ARRDC2: variants seen among roughly 807,000 people sequenced by gnomAD.
The protein encoded by ARRDC2 is arrestin domain containing 2, also known as arrestin domain-containing protein 2.
ARRDC2 carries 39 observed loss-of-function variants against 38.9 expected under a neutral mutation model. The ratio of observed to expected loss-of-function variants is 1.00; its 90% CI spans 0.78 to 1.31. ARRDC2 has a LOEUF of 1.31. Ranked by LOEUF, ARRDC2 falls within the 50% of genes most tolerant of loss-of-function variation. The probability of loss-of-function intolerance (pLI) is 0.00; values close to 1 mark genes in which losing one functional copy is unlikely to be tolerated. For missense variants in ARRDC2, 553 were observed against 588.4 expected (o/e 0.94, Z 0.62); for synonymous variants, 300 against 261.9 (o/e 1.15, Z -1.41).
At chr19:18,008,116 A>ACCC (rs543143665), upstream of ARRDC2, 24 of 523,102 alleles carry the variant, frequency 4.6e-5, no homozygotes, top group Middle Eastern at 6.8e-4. Flanking sequence ...AGAGACGGTG[A>ACCC]CCCCACCCCC....
At position 18,001,275 on chromosome 19, in the gene ARRDC2, T is replaced by G. The variant is rs988408377; in HGVS notation, c.-40T>G. 2.5e-6 allele frequency: 3 copies of G among 1,176,978 alleles called. No homozygotes were observed. The African/African-American group carries it at 4.8e-5, about 19-fold the overall frequency. 72.9% of individuals were successfully genotyped at this position (1,176,978 alleles called of 1,614,324 possible). ...TGCAGGCGCGCCCGGGCCGTGTGCCTTCTCTCCGCGTGTCCAAACCGTGTC... is the reference window on the plus strand; with the variant it reads ...TGCAGGCGCGCCCGGGCCGTGTGCCGTCTCTCCGCGTGTCCAAACCGTGTC... On this transcript the variant is annotated 5_prime_UTR_variant, in exon 1 of 8. Coordinates refer to the ARRDC2 transcript ENST00000379656.
At position 18,009,042 on chromosome 19, in the gene ARRDC2, C is replaced by G. The variant is rs774982292; in HGVS notation, c.413C>G (p.Pro138Arg). ...RYCIKATLHR[P>R]WVPARRARKV... ...TGTATCAAGGCCACCCTGCACCGGC[C>G]CTGGGTCCCAGCACGCCGGGCAAGG... The change falls in exon 3 of 8, where the codon CCC becomes CGC. Residue 138 changes from proline to arginine, a missense_variant. Physicochemically the swap from Pro to Arg is moderately radical, Grantham distance 103. Coordinates refer to ENST00000222250, the MANE Select transcript of ARRDC2 (RefSeq NM_015683.2). 3.7e-6 allele frequency: 6 copies of G among 1,613,662 alleles called. No homozygotes were observed. The highest frequency in any genetic ancestry group is 5.1e-6 in the Non-Finnish European group (6 of 1,180,008).
chr19:18,008,193 C>G lies in ARRDC2; in HGVS notation c.-118C>G. The stretch of plus-strand genomic sequence containing the variant: ...GGGATTTTCTGCTCCGGTTGGTGAG[C>G]GCGCCTGCGCGTTGACGGCGATTTT... On this transcript the variant is annotated 5_prime_UTR_variant, in exon 1 of 8. Coordinates refer to ENST00000222250, the MANE Select transcript of ARRDC2 (RefSeq NM_015683.2). 7.9e-7 allele frequency: 1 copy of G among 1,266,326 alleles called. No homozygotes were observed. The highest frequency in any genetic ancestry group is 1.0e-6 in the Non-Finnish European group (1 of 992,216). The allele number at this position is 1,266,326 out of a possible 1,614,324, so 78.4% of individuals were successfully genotyped here.
intron 6 of ARRDC2, 101 bp downstream of exon 6, chr19:18,010,459 A>C (rs1281630501): frequency 1.3e-6 from 2 of 1,555,106 alleles, no homozygotes. Flanking sequence ...ATCCCAACCA[A>C]AGGACATACA....
At position 18,001,575 on chromosome 19, in the gene ARRDC2, T is replaced by C; in HGVS notation, c.259+2T>C. 7.5e-7 allele frequency: 1 copy of C among 1,325,884 alleles called. No homozygotes were observed. 82.1% of individuals were successfully genotyped at this position (1,325,884 alleles called of 1,614,324 possible). Reference sequence around the variant, plus strand: ...GGCGTCGGCAGCTGCTGCTCCGAGGTGAGACACTCGTCGCGCCGCCCCCGC... The same window carrying C: ...GGCGTCGGCAGCTGCTGCTCCGAGGCGAGACACTCGTCGCGCCGCCCCCGC... On this transcript the variant is annotated splice_donor_variant, in intron 1 of 7. Coordinates refer to the ARRDC2 transcript ENST00000379656. LOFTEE classifies it high-confidence loss of function.
chr19:18,008,150 G>A (rs1371390069), upstream of ARRDC2: 14 of 1,291,628 alleles, frequency 1.1e-5, no homozygotes, highest in Non-Finnish European at 1.3e-5. Flanking sequence ...TATAAAAGCG[G>A]CGCCGACGCA....
chr19:18,006,616 AGGGAGAGGGAGACCAAG>A (rs1271873699), upstream of ARRDC2, among the ~76,000 whole-genome samples: 4 of 151,330 alleles, frequency 2.6e-5, no homozygotes, highest in Non-Finnish European at 5.9e-5. Context: ...GTGGAAAGAG[AGGGAGAGGGAGACCAAG>A]GGGAGAGGGA....
exon 1 of ARRDC2, chr19:18,001,380 C>G (rs2033182539): frequency 1.7e-6 from 2 of 1,207,720 alleles, no homozygotes; most frequent in Non-Finnish European, 2.1e-6. Flanking sequence ...GCGCCTACCG[C>G]GGCGGGGAGC....
chr19:18,007,024 G>C (rs1169018206), upstream of ARRDC2, among the ~76,000 whole-genome samples: 1 of 86,864 alleles, frequency 1.2e-5, no homozygotes, highest in Non-Finnish European at 2.5e-5. Context: ...GAGGGTGACC[G>C]TGTTTGTTTA....
intron 1 of ARRDC2, chr19:18,001,678 T>G (rs2033189931): frequency 8.2e-7 from 1 of 1,212,892 alleles, no homozygotes. Flanking sequence ...GGTCGGGTGA[T>G]CCTTTTCAAG....
In ARRDC2 at chr19:18,009,085, C is replaced by T. The variant is rs779826816; in HGVS notation, c.456C>T (p.Ile152=). The T allele has an allele frequency of 5.1e-5, 82 of 1,613,402 alleles. No individual in the cohort carries two copies. The highest frequency in any genetic ancestry group is 6.5e-5 in the Non-Finnish European group (77 of 1,179,992). The change falls in exon 3 of 8, where the codon ATC becomes ATT. Residue 152 remains isoleucine (I), a synonymous_variant. Coordinates refer to ENST00000222250, the MANE Select transcript of ARRDC2 (RefSeq NM_015683.2). Reference sequence around the variant, plus strand: ...GGGCAAGGAAGGTGTTCACTGTCATCGAGCCTGTGGACATCAACACGCCAG... The same window carrying T: ...GGGCAAGGAAGGTGTTCACTGTCATTGAGCCTGTGGACATCAACACGCCAG... ...ARRARKVFTV[I]EPVDINTPAL... is the part of the protein sequence containing the mutation.
intron 2 of ARRDC2, 88 bp downstream of exon 2, chr19:18,008,865 G>A (rs2033341587): frequency 6.3e-7 from 1 of 1,595,364 alleles, no homozygotes; most frequent in Non-Finnish European, 8.6e-7. Context: ...GCACCTCTGA[G>A]CCCCAAGACT....
At chr19:18,001,372 G>A in exon 1 of ARRDC2, 1 of 1,203,920 alleles carries the variant, frequency 8.3e-7, no homozygotes, top group Non-Finnish European at 1.0e-6. Context: ...CCCGGGCGGC[G>A]CCTACCGCGG....
upstream of ARRDC2, among the ~76,000 whole-genome samples, chr19:18,004,604 G>C (rs1055793271): frequency 5.3e-5 from 8 of 151,620 alleles, no homozygotes; most frequent in Admixed American, 3.9e-4. Flanking sequence ...CAGGAGAATC[G>C]CTGGAACCCG....
In ARRDC2 at chr19:18,009,931, G is replaced by C; in HGVS notation, c.741G>C (p.Pro247=). The C allele has an allele frequency of 1.9e-6, 3 of 1,606,162 alleles. No individual in the cohort carries two copies. Among genetic ancestry groups the C allele is most frequent in the Non-Finnish European group, 2.5e-6 (3 of 1,178,784 alleles). The change falls in exon 5 of 8, where the codon CCG becomes CCC. Residue 247 remains proline, a synonymous_variant. Coordinates refer to ENST00000222250, the MANE Select transcript of ARRDC2 (RefSeq NM_015683.2). ...RAVVASLAGE[P]VGPGQRALWQ... is the part of the protein sequence containing the mutation. ...TGGTGGCCAGCCTCGCGGGCGAGCC[G>C]GTGGGCCCCGGGCAGCGGGCGCTGT...
chr19:18,008,544 C>A lies in ARRDC2; in HGVS notation c.234C>A (p.Arg78=), dbSNP rs1251348578. ...STAYTQSYSE[R]VEVVSHRATL... is the part of the protein sequence containing the mutation. ...CTTACACGCAGAGCTACAGTGAACG[C>A]GTGGAGGTCGTGAGCCACCGCGCCA... Residue 78 remains arginine, a synonymous_variant, in exon 1 of 8, where the codon CGC becomes CGA. Coordinates refer to ENST00000222250, the MANE Select transcript of ARRDC2 (RefSeq NM_015683.2). 6.4e-7 allele frequency: 1 copy of A among 1,561,010 alleles called. No individual in the cohort carries two copies. The highest frequency in any genetic ancestry group is 8.6e-7 in the Non-Finnish European group (1 of 1,160,918).
At chr19:18,011,449 T>G (rs8107945) in intron 7 of ARRDC2, among the ~76,000 whole-genome samples, 1 of 152,122 alleles carries the variant, frequency 6.6e-6, no homozygotes, top group Non-Finnish European at 1.5e-5. Flanking sequence ...GGATTTTAAT[T>G]GTTGACAGAA....
chr19:18,009,182 G>A, intron 3 of ARRDC2, 64 bp downstream of exon 3: 4 of 1,569,978 alleles, frequency 2.5e-6, no homozygotes, highest in Non-Finnish European at 3.5e-6. Context: ...CCTGGCTGCT[G>A]GGCGACACCA....
At position 18,010,135 on chromosome 19, in the gene ARRDC2, G is replaced by A. The variant is rs1384676883; in HGVS notation, c.850-61G>A. On this transcript the variant is annotated intron_variant, in intron 5 of 7. Transcript: ENST00000222250. Reference sequence around the variant, plus strand: ...TGAGGCCTCAGTCTCCCCAGGCATAGGAGGGAGGTGGGGGTTGGGGAGGCT... The same window carrying A: ...TGAGGCCTCAGTCTCCCCAGGCATAAGAGGGAGGTGGGGGTTGGGGAGGCT... 3.7e-6 allele frequency: 6 copies of A among 1,606,928 alleles called. No homozygotes were observed. In the East Asian group the frequency reaches 6.7e-5, roughly 18 times the overall value.
Sources: allele counts gnomAD v4.1 joint callset (sites outside exome capture counted in the v4.1 genomes callset), GRCh38; gene constraint gnomAD v4.1.1; transcripts MANE v1.5; gene names NCBI Gene and HGNC (gene_info 2026-07-23, HGNC 2026-07-21).